Variants in ARL6IP5 observed in about 807,000 individuals in gnomAD.
The protein encoded by ARL6IP5 is PRA1 family protein 3.
A neutral mutation model predicts 13.0 loss-of-function variants in ARL6IP5; 6 were observed. The ratio of observed to expected loss-of-function variants is 0.46; its 90% CI spans 0.25 to 0.91. The LOEUF is 0.91. Ranked by LOEUF, ARL6IP5 falls within the 40% of genes least tolerant of loss-of-function variation. The pLI is 0.17. For synonymous variants in ARL6IP5, 91 were observed against 91.9 expected (o/e 0.99, Z 0.06); for missense variants, 208 against 248.8 (o/e 0.84, Z 1.10).
At chr3:69,092,521 G>T (rs1204580637) in intron 1 of ARL6IP5, among the ~76,000 whole-genome samples, 1 of 152,142 alleles carries the variant, frequency 6.6e-6, no homozygotes, top group Non-Finnish European at 1.5e-5. Context: ...GCCCAAGCTG[G>T]ATGCCATGGC....
chr3:69,104,757 C>A lies in ARL6IP5; in HGVS notation c.*121C>A. ...GCACGTACCACCCAATTATCTATGG[C>A]AGCATGCATGTATAGGCCGAACTAT... On this transcript the variant is annotated 3_prime_UTR_variant, in exon 3 of 3. Coordinates refer to ENST00000273258, the MANE Select transcript of ARL6IP5 (RefSeq NM_006407.4). 2 of 1,122,446 alleles carry A rather than the reference C, an allele frequency of 1.8e-6. No homozygotes were observed. The highest frequency in any genetic ancestry group is 2.6e-6 in the Non-Finnish European group (2 of 763,702). The allele number at this position is 1,122,446 out of a possible 1,614,324, so 69.5% of individuals were successfully genotyped here. A position where few individuals can be genotyped will look rare whatever the true frequency, so the allele number is the denominator to read the frequency against.
intron 1 of ARL6IP5, among the ~76,000 whole-genome samples, chr3:69,096,140 G>A (rs1335112642): frequency 1.3e-5 from 2 of 152,290 alleles, no homozygotes; most frequent in Non-Finnish European, 2.9e-5. Context: ...TCTGCTCAGA[G>A]TAACTTCGTT....
In ARL6IP5 at chr3:69,102,203, A is replaced by G. The variant is rs2092308019; in HGVS notation, c.394+147A>G. On this transcript the variant is annotated intron_variant, in intron 2 of 2. Transcript: ENST00000273258. ...AAAACAGCTTTCTACTTGTTATCCA[A>G]CTAGACCCAGATAACACAGAACTGA... 6.3e-6 allele frequency: 5 copies of G among 789,988 alleles called. No homozygotes were observed. In the East Asian group the frequency reaches 8.0e-5, roughly 13 times the overall value. 48.9% of individuals were successfully genotyped at this position (789,988 alleles called of 1,614,324 possible).
intron 1 of ARL6IP5, among the ~76,000 whole-genome samples, chr3:69,093,787 G>C (rs1330532285): frequency 6.6e-6 from 1 of 150,678 alleles, no homozygotes; most frequent in East Asian, 1.9e-4. Flanking sequence ...GAAAAGAAAA[G>C]AAAAAAATTA....
At position 69,085,235 on chromosome 3, in the gene ARL6IP5, C is replaced by T; in HGVS notation, c.176+12C>T. 1.2e-6 allele frequency: 2 copies of T among 1,606,500 alleles called. No individual in the cohort carries two copies. Among genetic ancestry groups the T allele is most frequent in the Non-Finnish European group, 1.7e-6 (2 of 1,174,464 alleles). ...ATTTCCATTGTGGGGTAAGTGGGGT[C>T]CCCCTACCCGGGACACCGATCCGGG... On this transcript the variant is annotated intron_variant, in intron 1 of 2. Coordinates refer to ENST00000273258, the MANE Select transcript of ARL6IP5 (RefSeq NM_006407.4).
intron 2 of ARL6IP5, 136 bp from the exon 3 acceptor site, chr3:69,104,328 T>C: frequency 1.2e-6 from 1 of 837,930 alleles, no homozygotes. Flanking sequence ...TTTGAAAGCT[T>C]GCATCAATTC....
chr3:69,097,855 A>G (rs2092291704), intron 1 of ARL6IP5, among the ~76,000 whole-genome samples: 1 of 152,146 alleles, frequency 6.6e-6, no homozygotes, highest in Non-Finnish European at 1.5e-5. Flanking sequence ...GCAGAAAACC[A>G]GGATTTGGAT....
chr3:69,087,158 C>T (rs2092251296), intron 1 of ARL6IP5, among the ~76,000 whole-genome samples: 1 of 152,004 alleles, frequency 6.6e-6, no homozygotes, highest in South Asian at 2.1e-4. Flanking sequence ...GTGACTGGGA[C>T]CCCAGGTGCG....
At chr3:69,098,742 C>G (rs1361597723) in intron 1 of ARL6IP5, among the ~76,000 whole-genome samples, 1 of 152,198 alleles carries the variant, frequency 6.6e-6, no homozygotes, top group African/African-American at 2.4e-5. Context: ...ATCTACCTAA[C>G]AGACAATGCA....
chr3:69,086,479 C>T (rs2092247977), intron 1 of ARL6IP5, among the ~76,000 whole-genome samples: 1 of 152,238 alleles, frequency 6.6e-6, no homozygotes, highest in South Asian at 2.1e-4. Flanking sequence ...ACATGTGGGA[C>T]TCTATACACA....
At chr3:69,090,258 A>C (rs1239893128) in intron 1 of ARL6IP5, among the ~76,000 whole-genome samples, 1 of 152,238 alleles carries the variant, frequency 6.6e-6, no homozygotes, top group Non-Finnish European at 1.5e-5. Context: ...AAGCAAGTGG[A>C]AATGTTTTTG....
At chr3:69,085,359 C>A in intron 1 of ARL6IP5, 136 bp downstream of exon 1, 1 of 1,188,652 alleles carries the variant, frequency 8.4e-7, no homozygotes, top group Non-Finnish European at 1.2e-6. Flanking sequence ...AGCGGCCAAG[C>A]CAGTGGAAAC....
chr3:69,097,593 A>C (rs2092291121), intron 1 of ARL6IP5, among the ~76,000 whole-genome samples: 1 of 152,208 alleles, frequency 6.6e-6, no homozygotes, highest in African/African-American at 2.4e-5. Flanking sequence ...TTGATTCATC[A>C]GATTCTTTCC....
chr3:69,102,144 T>C, intron 2 of ARL6IP5, 88 bp downstream of exon 2: 1 of 1,395,766 alleles, frequency 7.2e-7, no homozygotes, highest in Non-Finnish European at 1.0e-6. Flanking sequence ...TTCTTATATG[T>C]GTTGGCATGT....
chr3:69,086,761 C>T (rs1316185865), intron 1 of ARL6IP5, among the ~76,000 whole-genome samples: 1 of 144,152 alleles, frequency 6.9e-6, no homozygotes, highest in Non-Finnish European at 1.5e-5. Context: ...CTCGTTCTGT[C>T]GCCCAGGCTG....
chr3:69,085,768 G>A (rs879562969), intron 1 of ARL6IP5, among the ~76,000 whole-genome samples: 3 of 152,038 alleles, frequency 2.0e-5, no homozygotes, highest in Non-Finnish European at 4.4e-5. Context: ...TCCTGGTGGC[G>A]CATCTCCCAT....
intron 1 of ARL6IP5, 54 bp downstream of exon 1, chr3:69,085,277 C>T (rs2092244120): frequency 2.6e-6 from 4 of 1,563,820 alleles, no homozygotes; most frequent in South Asian, 2.3e-5. Flanking sequence ...ACGGAGGGGC[C>T]TCGGGGTGCA....
intron 1 of ARL6IP5, among the ~76,000 whole-genome samples, chr3:69,086,958 A>G (rs1208327011): frequency 6.6e-6 from 1 of 152,030 alleles, no homozygotes; most frequent in African/African-American, 2.4e-5. Flanking sequence ...TCAGCCTCCC[A>G]AAGTGCTGGG....
At chr3:69,101,779 C>T in intron 1 of ARL6IP5, 60 bp from the exon 2 acceptor site, 1 of 1,408,062 alleles carries the variant, frequency 7.1e-7, no homozygotes, top group African/African-American at 1.4e-5. Context: ...TCCTCTTTCT[C>T]CTTTTGCTAC....
Sources: gnomAD v4.1 joint callset for allele counts (sites outside exome capture counted in the v4.1 genomes callset) on GRCh38, gnomAD v4.1.1 for gene constraint, MANE v1.5 for transcripts, NCBI Gene and HGNC (gene_info 2026-07-23, HGNC 2026-07-21) for gene names.